The following MOGAT2 variants were observed in gnomAD, a reference collection of about 807,000 sequenced individuals.
MOGAT2 encodes the protein monoacylglycerol O-acyltransferase 2, also known as 2-acylglycerol O-acyltransferase 2.
In MOGAT2, 27 loss-of-function variants were observed where a neutral mutation model predicts 31.5. The ratio of observed to expected loss-of-function variants is 0.86; its 90% CI spans 0.63 to 1.18. The LOEUF (loss-of-function observed/expected upper bound fraction) is 1.18. Ranked by LOEUF, MOGAT2 falls within the 50% of genes most tolerant of loss-of-function variation. The pLI is 0.00. For synonymous variants in MOGAT2, 163 were observed against 170.0 expected (o/e 0.96, Z 0.32); for missense variants, 436 against 433.2 (o/e 1.01, Z -0.06).
intron 5 of MOGAT2, among the ~76,000 whole-genome samples, chr11:75,730,642 G>A (rs1432517853): frequency 6.6e-6 from 1 of 152,150 alleles, no homozygotes; most frequent in Non-Finnish European, 1.5e-5. Flanking sequence ...TGGGCGTGGT[G>A]GCTCACACTT....
chr11:75,717,914 T>A lies in MOGAT2; in HGVS notation c.26T>A (p.Met9Lys). ...ATGGTAGAGTTCGCGCCCTTGTTTA[T>A]GCCGTGGGAGCGCAGGCTGCAGACA... MVEFAPLFMPWERRLQTLA... is the reference protein window; with the variant it reads MVEFAPLFKPWERRLQTLA... Residue 9 changes from methionine to lysine, a missense_variant, in exon 1 of 6, where the codon ATG becomes AAG. Met to Lys is a moderately conservative substitution (Grantham distance 95, BLOSUM62 -1). Coordinates refer to ENST00000198801, the MANE Select transcript of MOGAT2 (RefSeq NM_025098.4). 1 of 1,614,214 alleles carries A rather than the reference T, an allele frequency of 6.2e-7. No individual in the cohort carries two copies. The highest frequency in any genetic ancestry group is 8.5e-7 in the Non-Finnish European group (1 of 1,180,018).
chr11:75,717,883 G>C lies in MOGAT2; in HGVS notation c.-6G>C, dbSNP rs190752002. Reference sequence around the variant, plus strand: ...GAACCTGCGGGAGCCAGGCTGACCCGCCAGCATGGTAGAGTTCGCGCCCTT... The same window carrying C: ...GAACCTGCGGGAGCCAGGCTGACCCCCCAGCATGGTAGAGTTCGCGCCCTT... On this transcript the variant is annotated 5_prime_UTR_variant, in exon 1 of 6. Transcript: ENST00000198801. 1.2e-6 allele frequency: 2 copies of C among 1,613,770 alleles called. No individual in the cohort carries two copies. Among genetic ancestry groups the C allele is most frequent in the African/African-American group, 1.3e-5 (1 of 74,928 alleles).
At chr11:75,726,396 T>C (rs192414501) in intron 2 of MOGAT2, among the ~76,000 whole-genome samples, 18 of 152,304 alleles carry the variant, frequency 1.2e-4, no homozygotes, top group East Asian at 7.7e-4. Flanking sequence ...GAGACATCCA[T>C]TGGGGACTGG....
Position 75,728,296 on chromosome 11 carries a change from C to T in MOGAT2, c.650+152C>T, listed in dbSNP as rs577412201. ...TAAGATTATATTTTGGTGTCTTATG[C>T]CCAAATACCTAGAAAAGTTTCCACA... On this transcript the variant is annotated intron_variant, in intron 4 of 5. Coordinates refer to ENST00000198801, the MANE Select transcript of MOGAT2 (RefSeq NM_025098.4). The T allele has an allele frequency of 2.6e-5, 24 of 922,932 alleles. No individual in the cohort carries two copies. The South Asian group carries it at 3.2e-4, about 12-fold the overall frequency. 57.2% of individuals were successfully genotyped at this position (922,932 alleles called of 1,614,324 possible).
At chr11:75,725,910 C>T (rs1044969404) in intron 2 of MOGAT2, among the ~76,000 whole-genome samples, 3 of 152,206 alleles carry the variant, frequency 2.0e-5, no homozygotes, top group African/African-American at 7.2e-5. Flanking sequence ...CCCTTGGACT[C>T]CGATGGCCGG....
chr11:75,724,494 A>G (rs569602449), intron 2 of MOGAT2, among the ~76,000 whole-genome samples: 2 of 151,918 alleles, frequency 1.3e-5, no homozygotes, highest in Admixed American at 6.6e-5. Context: ...GTATTAGCAC[A>G]TGCATTTATG....
chr11:75,730,398 C>T (rs1230188529), intron 5 of MOGAT2, among the ~76,000 whole-genome samples: 2 of 152,144 alleles, frequency 1.3e-5, no homozygotes, highest in East Asian at 3.9e-4. Context: ...TTCATGGCAT[C>T]TTGGACTCCC....
At chr11:75,720,213 G>T (rs1435347520) in intron 2 of MOGAT2, 43 bp downstream of exon 2, 3 of 1,584,864 alleles carry the variant, frequency 1.9e-6, no homozygotes, top group African/African-American at 1.3e-5. Context: ...GAGTTGGCTG[G>T]GGTGTGGTCA....
intron 2 of MOGAT2, among the ~76,000 whole-genome samples, chr11:75,721,345 C>T (rs1054395520): frequency 5.9e-5 from 9 of 151,906 alleles, no homozygotes; most frequent in African/African-American, 9.7e-5. Context: ...TGCAATGGCA[C>T]GATCTCAGCT....
rs1347912680 is a variant in MOGAT2, at chr11:75,728,984, C to G, written c.845C>G (p.Thr282Ser). Residue 282 changes from threonine to serine, a missense_variant, in exon 5 of 6, where the codon ACT becomes AGT. Thr to Ser is a moderately conservative substitution (Grantham distance 58). Coordinates refer to ENST00000198801, the MANE Select transcript of MOGAT2 (RefSeq NM_025098.4). ...ATACCCTACCGCCGGCCCATCACCA[C>G]TGTGGGTAAGTCCAGGACCAGGCTG... Reference protein sequence around the residue: ...GLIPYRRPITTVVGKPIEVQK... With the variant: ...GLIPYRRPITSVVGKPIEVQK... 3 of 1,613,674 alleles carry G rather than the reference C, an allele frequency of 1.9e-6. No individual in the cohort carries two copies. The highest frequency in any genetic ancestry group is 2.2e-5 in the South Asian group (2 of 91,060).
In MOGAT2 at chr11:75,731,186, A is replaced by G. The variant is rs751192805; in HGVS notation, c.905A>G (p.Asn302Ser). 2 of 1,614,084 alleles carry G rather than the reference A, an allele frequency of 1.2e-6. No homozygotes were observed. Among genetic ancestry groups the G allele is most frequent in the South Asian group, 1.1e-5 (1 of 91,076 alleles). Reference sequence around the variant, plus strand: ...CTGCATCCCTCGGAGGAGGAGGTGAACCAGCTGCACCAGCGTTATATCAAA... The same window carrying G: ...CTGCATCCCTCGGAGGAGGAGGTGAGCCAGCTGCACCAGCGTTATATCAAA... The part of the protein sequence containing the change: ...KTLHPSEEEV[N>S]QLHQRYIKEL... Residue 302 changes from asparagine (N) to serine (S), a missense_variant, in exon 6 of 6, where the codon AAC becomes AGC. Asn to Ser is a conservative substitution (Grantham distance 46). Coordinates refer to ENST00000198801, the MANE Select transcript of MOGAT2 (RefSeq NM_025098.4).
Position 75,728,066 on chromosome 11 carries a change from C to T in MOGAT2, c.572C>T (p.Ala191Val). ...ATCATTGTAGGGGGTGCCCAGGAGGCCCTGGATGCCAGGCCTGGATCCTTC... is the reference window on the plus strand; with the variant it reads ...ATCATTGTAGGGGGTGCCCAGGAGGTCCTGGATGCCAGGCCTGGATCCTTC... ...LGIIVGGAQEALDARPGSFTL... is the reference protein window; with the variant it reads ...LGIIVGGAQEVLDARPGSFTL... The change falls in exon 4 of 6, where the codon GCC becomes GTC. Residue 191 changes from alanine (A) to valine (V), a missense_variant. Physicochemically the swap from Ala to Val is moderately conservative, Grantham distance 64 (BLOSUM62 0). Coordinates refer to ENST00000198801, the MANE Select transcript of MOGAT2 (RefSeq NM_025098.4). 17 of 1,614,122 alleles carry T rather than the reference C, an allele frequency of 1.1e-5. No homozygotes were observed. Among genetic ancestry groups the T allele is most frequent in the Non-Finnish European group, 1.3e-5 (15 of 1,180,006 alleles).
intron 2 of MOGAT2, among the ~76,000 whole-genome samples, chr11:75,722,803 C>T (rs577277385): frequency 1.4e-4 from 22 of 152,236 alleles, no homozygotes; most frequent in Non-Finnish European, 3.1e-4. Flanking sequence ...GCTGAGGCAG[C>T]TCTGCGCCTA....
intron 1 of MOGAT2, 106 bp downstream of exon 1, chr11:75,718,085 A>G (rs1944345407): frequency 1.7e-6 from 2 of 1,166,208 alleles, no homozygotes; most frequent in African/African-American, 3.0e-5. Flanking sequence ...CATTTATCCT[A>G]AAGGGGGCTT....
chr11:75,728,338 C>T (rs1944441542), intron 4 of MOGAT2, 194 bp downstream of exon 4: 1 of 714,540 alleles, frequency 1.4e-6, no homozygotes, highest in Non-Finnish European at 2.5e-6. Flanking sequence ...ACTCAGTGAT[C>T]TAAGAAACTA....
intron 4 of MOGAT2, 89 bp from the exon 5 acceptor site, chr11:75,728,701 A>T: frequency 1.7e-6 from 2 of 1,158,340 alleles, no homozygotes; most frequent in Non-Finnish European, 2.5e-6. Context: ...TTTCTTGGTC[A>T]CTGAGTCCCT....
intron 5 of MOGAT2, chr11:75,730,928 AAG>A (rs375873328): frequency 0.036 from 7,881 of 221,108 alleles, 52 homozygotes; most frequent in South Asian, 0.072. Context: ...AAAAAAAAAA[AAG>A]AAAAGAAAAG....
At chr11:75,721,841 G>C (rs1219537) in intron 2 of MOGAT2, among the ~76,000 whole-genome samples, 56,657 of 152,098 alleles carry the variant, frequency 0.37, 11,348 homozygotes, top group Non-Finnish European at 0.47. Flanking sequence ...TAAGCAACTT[G>C]TCTGAATTAT....
rs1362808453 is a variant in MOGAT2, at chr11:75,728,787, C to T, written c.651-3C>T. On this transcript the variant is annotated splice_region_variant and splice_polypyrimidine_tract_variant and intron_variant, in intron 4 of 5. Transcript: ENST00000198801. ...ATGCCCTCTTTCCTCTATTTGTCTC[C>T]AGGGCACCCCTGGTGCCAATCTTCT... The T allele has an allele frequency of 6.2e-7, 1 of 1,612,910 alleles. No individual in the cohort carries two copies. The highest frequency in any genetic ancestry group is 1.1e-5 in the South Asian group (1 of 91,066).
Sources: allele counts gnomAD v4.1 joint callset (sites outside exome capture counted in the v4.1 genomes callset), GRCh38; gene constraint gnomAD v4.1.1; transcripts MANE v1.5; gene names NCBI Gene and HGNC (gene_info 2026-07-23, HGNC 2026-07-21).